SEC63: variants seen among roughly 807,000 people sequenced by gnomAD.
The protein encoded by SEC63 is translocation protein SEC63 homolog.
Under a neutral mutation model 116.2 loss-of-function variants are expected in SEC63, and 56 were observed. That is an observed-to-expected ratio of 0.48 (90% CI 0.39 to 0.60). The LOEUF (loss-of-function observed/expected upper bound fraction) is 0.60. SEC63 is among the 20% of genes least tolerant of loss of function. SEC63 has a pLI of 0.00. For missense variants in SEC63, 668 were observed against 900.0 expected (o/e 0.74, Z 3.30); for synonymous variants, 273 against 294.6 (o/e 0.93, Z 0.75).
chr6:107,883,328 A>C (rs1786455123), intron 16 of SEC63, 182 bp from the exon 17 acceptor site: 1 of 636,292 alleles, frequency 1.6e-6, no homozygotes, highest in East Asian at 2.8e-5. Flanking sequence ...GTCAGACTAA[A>C]GAGTTTAATA....
chr6:107,878,185 T>C (rs1262419394), intron 18 of SEC63, among the ~76,000 whole-genome samples: 1 of 152,214 alleles, frequency 6.6e-6, no homozygotes, highest in Non-Finnish European at 1.5e-5. Flanking sequence ...AGACTGCAGT[T>C]TGACAATATC....
chr6:107,893,959 C>T, intron 14 of SEC63, 62 bp from the exon 15 acceptor site: 1 of 1,546,534 alleles, frequency 6.5e-7, no homozygotes, highest in Non-Finnish European at 8.9e-7. Context: ...TTCAGACAAA[C>T]AAAGCAATCT....
At chr6:107,923,904 T>C (rs1787612348) in intron 3 of SEC63, among the ~76,000 whole-genome samples, 1 of 152,176 alleles carries the variant, frequency 6.6e-6, no homozygotes, top group Non-Finnish European at 1.5e-5. Context: ...TTTTTATCAT[T>C]CAACTAACAC....
chr6:107,955,037 A>AG (rs1169967096), intron 1 of SEC63, among the ~76,000 whole-genome samples: 2 of 152,230 alleles, frequency 1.3e-5, no homozygotes, highest in African/African-American at 4.8e-5. Context: ...GACACCCATA[A>AG]TAGTTCACCT....
At chr6:107,940,698 C>T (rs1418240670) in intron 1 of SEC63, among the ~76,000 whole-genome samples, 1 of 150,416 alleles carries the variant, frequency 6.6e-6, no homozygotes, top group Non-Finnish European at 1.5e-5. Flanking sequence ...ACCTACATAT[C>T]AGGAACACAG....
rs1360309330 is a variant in SEC63, at chr6:107,934,669, T to TG, written c.125-5156dup. ...CCAGCCACCCCGTCCAGGAGGGAGG[T>TG]GGGGGGGTCAGCCCCCTGCCCGGCC... On this transcript the variant is annotated intron_variant, in intron 1 of 20. Coordinates refer to ENST00000369002, the MANE Select transcript of SEC63 (RefSeq NM_007214.5). Among the ~76,000 whole-genome samples the TG allele has an allele frequency of 3.1e-3, 261 of 83,428 alleles. 2 individuals are homozygous for TG. The highest frequency in any genetic ancestry group is 5.4e-3 in the Non-Finnish European group (226 of 42,156). The allele number at this position is 83,428 out of a possible 152,430, so 54.7% of individuals were successfully genotyped here. A position where few individuals can be genotyped will look rare whatever the true frequency, so the allele number is the denominator to read the frequency against.
intron 3 of SEC63, among the ~76,000 whole-genome samples, chr6:107,923,847 C>A (rs925722116): frequency 5.3e-5 from 8 of 152,124 alleles, no homozygotes; most frequent in Non-Finnish European, 1.0e-4. Flanking sequence ...AGACCCCCAA[C>A]CTAGATTTTA....
intron 3 of SEC63, 125 bp downstream of exon 3, chr6:107,924,693 T>C (rs1418850677): frequency 1.5e-6 from 1 of 649,728 alleles, no homozygotes; most frequent in Admixed American, 2.6e-5. Flanking sequence ...AGACATCTTA[T>C]TTTAATAAAC....
chr6:107,913,300 A>G lies in SEC63; in HGVS notation c.514+66T>C, dbSNP rs567514550. On this transcript the variant is annotated intron_variant, in intron 5 of 20. Coordinates refer to ENST00000369002, the MANE Select transcript of SEC63 (RefSeq NM_007214.5). ...AGTAAGAAAATAATATTATTCCTTT[A>G]ATCTGGTTAACATTTTTATAATATA... The G allele has an allele frequency of 1.6e-4, 161 of 1,007,882 alleles. 7 individuals are homozygous for G. In the South Asian group the frequency reaches 2.1e-3, roughly 13 times the overall value. The allele number at this position is 1,007,882 out of a possible 1,614,324, so 62.4% of individuals were successfully genotyped here.
chr6:107,895,456 C>A (rs1786792462), intron 14 of SEC63, among the ~76,000 whole-genome samples: 1 of 152,142 alleles, frequency 6.6e-6, no homozygotes, highest in South Asian at 2.1e-4. Context: ...CACCTGTAAT[C>A]CCAGCACTTT....
chr6:107,906,484 G>A lies in SEC63; in HGVS notation c.925C>T (p.Leu309Phe), dbSNP rs368261994. The stretch of plus-strand genomic sequence containing the variant: ...GTCTCAGGAATTTTCATTCTAGCAA[G>A]ATGAGACAGTAAAAGAACTCTGGCC... ...LKARVLLLSH[L>F]ARMKIPETLE... The change falls in exon 10 of 21, where the codon CTT becomes TTT. Residue 309 changes from leucine (L) to phenylalanine (F), a missense_variant. Transcript: ENST00000369002. The A allele has an allele frequency of 6.2e-7, 1 of 1,614,054 alleles. No homozygotes were observed. The highest frequency in any genetic ancestry group is 8.5e-7 in the Non-Finnish European group (1 of 1,179,950).
intron 1 of SEC63, among the ~76,000 whole-genome samples, chr6:107,940,191 AC>A (rs1425498268): frequency 3.3e-5 from 5 of 151,788 alleles, no homozygotes; most frequent in Non-Finnish European, 5.9e-5. Flanking sequence ...AAAAAAAAAA[AC>A]AAACACTGGA....
intron 3 of SEC63, among the ~76,000 whole-genome samples, chr6:107,924,263 C>CAA (rs77315968): frequency 1.2e-5 from 1 of 80,900 alleles, no homozygotes; most frequent in African/African-American, 4.8e-5. Context: ...AACTCCGTCT[C>CAA]AAAAAAAAAA....
chr6:107,875,305 G>GT (rs1203659461), intron 19 of SEC63, among the ~76,000 whole-genome samples: 3 of 152,208 alleles, frequency 2.0e-5, no homozygotes, highest in Admixed American at 2.0e-4. Flanking sequence ...GATAAAACAA[G>GT]TAACAGCTAA....
At position 107,867,786 on chromosome 6, in the gene SEC63, T is replaced by A. The variant is rs1196946456; in HGVS notation, c.*3918A>T. ...GCACCAATAAATGTTTATTTATAAA[T>A]AATAGAAGTGTACAATTGTACAATA... On this transcript the variant is annotated 3_prime_UTR_variant, in exon 21 of 21. Coordinates refer to ENST00000369002, the MANE Select transcript of SEC63 (RefSeq NM_007214.5). 1 of 151,630 alleles carries A rather than the reference T, an allele frequency of 6.6e-6. No homozygotes were observed. Among genetic ancestry groups the A allele is most frequent in the Non-Finnish European group, 1.5e-5 (1 of 67,960 alleles). The allele number at this position is 151,630 out of a possible 1,614,324, so 9.4% of individuals were successfully genotyped here.
rs752767941 is a variant in SEC63, at chr6:107,958,013, A to T, written c.-4T>A. The T allele has an allele frequency of 1.9e-6, 3 of 1,611,632 alleles. No homozygotes were observed. In the Admixed American group the frequency reaches 5.0e-5, roughly 27 times the overall value. On this transcript the variant is annotated 5_prime_UTR_variant, in exon 1 of 21. Transcript: ENST00000369002. ...ACTGGAACTGCTGCCCGGCCATGGC[A>T]CCCCCTCCTCCGCCTCGCTCTTCTC... is the stretch of plus-strand genomic sequence containing the variant.
At chr6:107,888,776 T>A (rs1302253067) in intron 16 of SEC63, among the ~76,000 whole-genome samples, 2 of 152,166 alleles carry the variant, frequency 1.3e-5, no homozygotes, top group African/African-American at 4.8e-5. Context: ...CAATGCCTAG[T>A]TTATTGAGAG....
chr6:107,893,433 T>C, intron 16 of SEC63, 49 bp downstream of exon 16: 2 of 1,552,226 alleles, frequency 1.3e-6, no homozygotes, highest in Non-Finnish European at 1.8e-6. Flanking sequence ...AACATTTTAG[T>C]TTGTATATTT....
intron 19 of SEC63, among the ~76,000 whole-genome samples, chr6:107,874,372 A>G (rs982576985): frequency 2.6e-5 from 4 of 152,202 alleles, no homozygotes; most frequent in African/African-American, 9.6e-5. Context: ...AGGCGGGCGG[A>G]TCACAAGGTC....
Sources: allele counts gnomAD v4.1 joint callset (sites outside exome capture counted in the v4.1 genomes callset), GRCh38; gene constraint gnomAD v4.1.1; transcripts MANE v1.5; gene names NCBI Gene and HGNC (gene_info 2026-07-23, HGNC 2026-07-21).